The following PBLD variants were observed in gnomAD, a reference collection of about 807,000 sequenced individuals.
The protein encoded by PBLD is phenazine biosynthesis-like domain-containing protein.
A neutral mutation model predicts 31.3 loss-of-function variants in PBLD; 26 were observed. The observed-to-expected ratio is 0.83, with a 90% confidence interval of 0.61 to 1.15. PBLD has a LOEUF of 1.15. PBLD is among the 50% of genes most tolerant of loss of function. The pLI is 0.00. For synonymous variants in PBLD, 114 were observed against 129.0 expected, an observed-to-expected ratio of 0.88 and a Z score of 0.79; for missense variants, 307 against 351.7, an observed-to-expected ratio of 0.87 and a Z score of 1.02.
At position 68,283,839 on chromosome 10, in the gene PBLD, G is replaced by A; in HGVS notation, c.*338C>T. ...CTGCTCACTGCAACTTCTGCCTCCT[G>A]GGTTCAAGCGATTCTCCATGCCTCA... On this transcript the variant is annotated 3_prime_UTR_variant, in exon 10 of 10. Coordinates refer to ENST00000358769, the MANE Select transcript of PBLD (RefSeq NM_022129.4). The A allele has an allele frequency of 4.2e-6, 1 of 239,210 alleles. No homozygotes were observed. 14.8% of individuals were successfully genotyped at this position (239,210 alleles called of 1,614,324 possible).
chr10:68,296,824 A>G (rs573902200), intron 3 of PBLD, 62 bp downstream of exon 3: 1 of 1,386,678 alleles, frequency 7.2e-7, no homozygotes, highest in Admixed American at 1.7e-5. Context: ...AGTCAAGATC[A>G]TGCCACTGCA....
At chr10:68,299,777 C>T (rs1170182436) in intron 2 of PBLD, among the ~76,000 whole-genome samples, 3 of 151,910 alleles carry the variant, frequency 2.0e-5, no homozygotes, top group Non-Finnish European at 2.9e-5. Flanking sequence ...CACTTGAACC[C>T]GGGAGGCAGA....
intron 1 of PBLD, among the ~76,000 whole-genome samples, chr10:68,314,902 G>A (rs1349778454): frequency 1.3e-5 from 2 of 152,148 alleles, no homozygotes; most frequent in Non-Finnish European, 2.9e-5. Flanking sequence ...CGATTTTTCT[G>A]CCTCAGCCTC....
chr10:68,311,788 AG>A (rs2044672863), intron 1 of PBLD, among the ~76,000 whole-genome samples: 1 of 152,034 alleles, frequency 6.6e-6, no homozygotes, highest in East Asian at 1.9e-4. Context: ...ACTGATAGAA[AG>A]CACTAGGGTG....
intron 1 of PBLD, among the ~76,000 whole-genome samples, chr10:68,319,108 A>AAAGAAAGAAAGAAAGG (rs1554860635): frequency 7.6e-6 from 1 of 132,236 alleles, no homozygotes; most frequent in Admixed American, 7.6e-5. Flanking sequence ...AGAAAGAAAG[A>AAAGAAAGAAAGAAAGG]AAGGAAAAAG....
intron 2 of PBLD, among the ~76,000 whole-genome samples, chr10:68,300,314 C>CT (rs1487339559): frequency 6.6e-6 from 1 of 152,142 alleles, no homozygotes; most frequent in African/African-American, 2.4e-5. Context: ...CAAAGTCATG[C>CT]TTTAACTAGC....
At chr10:68,286,427 CCTT>C (rs1454032964) in intron 8 of PBLD, among the ~76,000 whole-genome samples, 3 of 151,878 alleles carry the variant, frequency 2.0e-5, no homozygotes, top group African/African-American at 4.8e-5. Flanking sequence ...GAAAGTATCT[CCTT>C]CTTCCCAGAG....
intron 1 of PBLD, among the ~76,000 whole-genome samples, chr10:68,316,142 A>C (rs1326328898): frequency 6.6e-6 from 1 of 152,210 alleles, no homozygotes; most frequent in African/African-American, 2.4e-5. Context: ...ACTGTCCCTG[A>C]GGGAGTCCCA....
chr10:68,319,713 T>C (rs1198194693), intron 1 of PBLD, among the ~76,000 whole-genome samples: 1 of 151,664 alleles, frequency 6.6e-6, no homozygotes, highest in African/African-American at 2.4e-5. Flanking sequence ...AGACAAAGAC[T>C]CCATCTCAAA....
At chr10:68,299,297 A>C (rs1200889834) in intron 2 of PBLD, among the ~76,000 whole-genome samples, 1 of 152,030 alleles carries the variant, frequency 6.6e-6, no homozygotes. Context: ...GAAATCTACT[A>C]GTTAGATTTT....
chr10:68,312,832 C>G (rs1015292082), intron 1 of PBLD, among the ~76,000 whole-genome samples: 3 of 151,838 alleles, frequency 2.0e-5, no homozygotes, highest in African/African-American at 7.3e-5. Context: ...AGGATGGTCT[C>G]GATCTCCTGA....
intron 1 of PBLD, among the ~76,000 whole-genome samples, chr10:68,326,782 C>T (rs760097022): frequency 3.8e-4 from 58 of 152,344 alleles, no homozygotes; most frequent in Middle Eastern, 3.4e-3. Flanking sequence ...TGCACAGTGG[C>T]TCACGCCTGT....
intron 6 of PBLD, among the ~76,000 whole-genome samples, chr10:68,290,737 T>C (rs563540248): frequency 6.6e-6 from 1 of 152,288 alleles, no homozygotes; most frequent in Non-Finnish European, 1.5e-5. Flanking sequence ...AAAGGTTTAA[T>C]TCTTGGCTGG....
At chr10:68,332,475 C>G (rs1370189411) in intron 1 of PBLD, among the ~76,000 whole-genome samples, 1 of 152,222 alleles carries the variant, frequency 6.6e-6, no homozygotes, top group African/African-American at 2.4e-5. Flanking sequence ...AGCATTTTCC[C>G]CTTTCCCTGC....
intron 1 of PBLD, among the ~76,000 whole-genome samples, chr10:68,325,985 AG>A (rs2044913119): frequency 6.6e-6 from 1 of 152,144 alleles, no homozygotes; most frequent in African/African-American, 2.4e-5. Flanking sequence ...TGCTCTTGAA[AG>A]TCAGGGACAG....
At position 68,330,709 on chromosome 10, in the gene PBLD, CGTGTGTGTGTGTGTGTGTGT is replaced by C. The variant is rs56166847; in HGVS notation, c.-60+2055_-60+2074del. On this transcript the variant is annotated intron_variant, in intron 1 of 9. Coordinates refer to ENST00000358769, the MANE Select transcript of PBLD (RefSeq NM_022129.4). Reference sequence around the variant, plus strand: ...TACAGGGGCCCGCCACCACGCCCGGCGTGTGTGTGTGTGTGTGTGTGTGTGTGTGTGTGTGTGTGTGTGTG... The same window carrying C: ...TACAGGGGCCCGCCACCACGCCCGGCGTGTGTGTGTGTGTGTGTGTGTGTG... 8.9e-3 allele frequency among the ~76,000 whole-genome samples: 1,265 copies of C among 142,826 alleles called. 19 individuals carry two copies. The highest frequency in any genetic ancestry group is 0.025 in the African/African-American group (967 of 38,090). The allele number at this position is 142,826 out of a possible 152,430, so 93.7% of individuals were successfully genotyped here. A position where few individuals can be genotyped will look rare whatever the true frequency, so the allele number is the denominator to read the frequency against.
intron 1 of PBLD, among the ~76,000 whole-genome samples, chr10:68,312,488 A>G (rs749969438): frequency 6.6e-5 from 10 of 152,096 alleles, no homozygotes; most frequent in Non-Finnish European, 1.5e-4. Flanking sequence ...TCTTCTTTAG[A>G]GAAATGTCTA....
rs2044405154 is a variant in PBLD at position 68,294,914 on chromosome 10, G to A, written c.283+1352C>T. On this transcript the variant is annotated intron_variant, in intron 4 of 9. Transcript: ENST00000358769. ...AGCTAATTTTTGTATTTTTAGTAGA[G>A]ACGGGGTTTTGCCCATCCCCCACAG... is the stretch of plus-strand genomic sequence containing the variant. Among the ~76,000 whole-genome samples, 4 of 152,256 alleles carry A rather than the reference G, an allele frequency of 2.6e-5. No homozygotes were observed. The South Asian group carries it at 8.3e-4, about 32-fold the overall frequency.
chr10:68,328,013 A>T (rs995584996), intron 1 of PBLD, among the ~76,000 whole-genome samples: 2 of 152,214 alleles, frequency 1.3e-5, no homozygotes, highest in East Asian at 3.8e-4. Flanking sequence ...AAGAACACTT[A>T]GGTGACTTAG....
Sources: gnomAD v4.1 joint callset for allele counts (sites outside exome capture counted in the v4.1 genomes callset) on GRCh38, gnomAD v4.1.1 for gene constraint, MANE v1.5 for transcripts, NCBI Gene and HGNC (gene_info 2026-07-23, HGNC 2026-07-21) for gene names.